The following ADGRL3 variants were observed in gnomAD, a reference collection of about 807,000 sequenced individuals.
The protein encoded by ADGRL3 is adhesion G protein-coupled receptor L3.
Under a neutral mutation model 153.5 loss-of-function variants are expected in ADGRL3, and 62 were observed. That is an observed-to-expected ratio of 0.40 (90% confidence interval 0.33 to 0.50). The LOEUF (loss-of-function observed/expected upper bound fraction) is 0.50, where lower values mean the gene tolerates loss of function less well. Ranked by LOEUF, ADGRL3 falls within the 20% of genes least tolerant of loss-of-function variation. The pLI is 0.47. For synonymous variants in ADGRL3, 710 were observed against 672.5 expected, an observed-to-expected ratio of 1.06 and a Z score of -0.86; for missense variants, 1,641 against 1,859.4, an observed-to-expected ratio of 0.88 and a Z score of 2.16.
At chr4:61,894,359 T>C (rs2098611148) in intron 10 of ADGRL3, among the ~76,000 whole-genome samples, 1 of 152,130 alleles carries the variant, frequency 6.6e-6, no homozygotes, top group Non-Finnish European at 1.5e-5. Context: ...TTGGTTTTTA[T>C]AAAAAATACA....
At chr4:61,389,504 T>C (rs17090446) in intron 2 of ADGRL3, among the ~76,000 whole-genome samples, 8,842 of 152,282 alleles carry the variant, frequency 0.058, 309 homozygotes, top group South Asian at 0.16. Context: ...CAGAGCCAGA[T>C]GTTAATTTTC....
rs528824333 is a variant in ADGRL3 at position 61,667,552 on chromosome 4, G to A, written c.474-9274G>A. Among the ~76,000 whole-genome samples, 4 of 152,112 alleles carry A rather than the reference G, an allele frequency of 2.6e-5. No homozygotes were observed. In the East Asian group the frequency reaches 5.8e-4, roughly 22 times the overall value. ...AACATTAATTTAATATAAATCAGTG[G>A]ATTTGGTTAAAAATTTCTTAATGTT... On this transcript the variant is annotated intron_variant, in intron 5 of 26. Transcript: ENST00000683033.
chr4:61,921,383 A>G (rs1380055382), intron 13 of ADGRL3, among the ~76,000 whole-genome samples: 1 of 152,060 alleles, frequency 6.6e-6, no homozygotes, highest in African/African-American at 2.4e-5. Flanking sequence ...TTCTCTCCAC[A>G]GACTTTCAGC....
At position 61,846,948 on chromosome 4, in the gene ADGRL3, A is replaced by ATGTGTGTGTGTGTGTG. The variant is rs72301670; in HGVS notation, c.1480+33067_1480+33082dup. On this transcript the variant is annotated intron_variant, in intron 9 of 26. Transcript: ENST00000683033. ...AGCCGTGAGGGATATTTTATATATT[A>ATGTGTGTGTGTGTGTG]TGTGTGTGTGTGTGTGTGTGTGTAT... 2.8e-3 allele frequency among the ~76,000 whole-genome samples: 405 copies of ATGTGTGTGTGTGTGTG among 145,884 alleles called. 1 individual carries two copies. The highest frequency in any genetic ancestry group is 9.8e-3 in the African/African-American group (379 of 38,618).
intron 1 of ADGRL3, among the ~76,000 whole-genome samples, chr4:61,317,639 A>G (rs1350699401): frequency 6.6e-6 from 1 of 152,112 alleles, no homozygotes; most frequent in Admixed American, 6.5e-5. Context: ...TGAAATGTGA[A>G]TGAAGATTAG....
intron 13 of ADGRL3, among the ~76,000 whole-genome samples, chr4:61,917,960 A>G (rs1302992976): frequency 1.3e-5 from 2 of 152,156 alleles, no homozygotes; most frequent in Non-Finnish European, 2.9e-5. Context: ...TTATTCAGAA[A>G]AGCCTAGTAA....
At chr4:61,730,503 A>G (rs1004138950) in intron 6 of ADGRL3, 119 bp from the exon 7 acceptor site, 8 of 305,910 alleles carry the variant, frequency 2.6e-5, no homozygotes, top group Non-Finnish European at 4.5e-5. Context: ...AGCAAGTATG[A>G]GTGAAATAAA....
At chr4:61,856,586 T>TTCTC (rs199927400) in intron 9 of ADGRL3, among the ~76,000 whole-genome samples, 1 of 78,612 alleles carries the variant, frequency 1.3e-5, no homozygotes, top group Non-Finnish European at 2.5e-5. Flanking sequence ...TCTCTCTTTT[T>TTCTC]TCTCTCTCTC....
rs555228848 is a variant in ADGRL3, at chr4:61,743,339, A to G, written c.1399+9785A>G. On this transcript the variant is annotated intron_variant, in intron 8 of 26. Coordinates refer to ENST00000683033, the MANE Select transcript of ADGRL3 (RefSeq NM_001387552.1). The stretch of plus-strand genomic sequence containing the variant: ...GACTCCATCTCAAAAAAAAAAAAAA[A>G]AAAAAAAGAAAAGAGAAAACAATTC... Among the ~76,000 whole-genome samples, 42 of 145,144 alleles carry G rather than the reference A, an allele frequency of 2.9e-4. 1 individual carries two copies. The East Asian group carries it at 7.4e-3, about 26-fold the overall frequency.
chr4:61,393,088 A>G (rs2096832040), intron 2 of ADGRL3, among the ~76,000 whole-genome samples: 1 of 152,106 alleles, frequency 6.6e-6, no homozygotes, highest in Non-Finnish European at 1.5e-5. Flanking sequence ...GAGACCCAGG[A>G]CACACCACAC....
chr4:61,465,620 G>A (rs955790200), intron 2 of ADGRL3, among the ~76,000 whole-genome samples: 5 of 151,156 alleles, frequency 3.3e-5, no homozygotes, highest in African/African-American at 1.2e-4. Context: ...TTACTAGAAT[G>A]TGTATATTTC....
chr4:61,830,179 T>C (rs1214729493), intron 9 of ADGRL3, among the ~76,000 whole-genome samples: 1 of 152,052 alleles, frequency 6.6e-6, no homozygotes, highest in Non-Finnish European at 1.5e-5. Flanking sequence ...CAGCTAATTT[T>C]TCTTTTTTTG....
intron 4 of ADGRL3, among the ~76,000 whole-genome samples, chr4:61,586,495 CAA>C (rs2098947197): frequency 6.6e-6 from 1 of 151,834 alleles, no homozygotes; most frequent in Non-Finnish European, 1.5e-5. Context: ...AAATATCAAA[CAA>C]TATGTATAGT....
intron 2 of ADGRL3, chr4:61,420,586 T>G (rs1360981025): frequency 6.6e-6 from 1 of 151,664 alleles, no homozygotes; most frequent in Non-Finnish European, 1.5e-5. Flanking sequence ...TTTTGTATTT[T>G]TAGTAGAGAC....
At chr4:61,427,875 C>A (rs2152389008) in intron 2 of ADGRL3, 1 of 152,978 alleles carries the variant, frequency 6.5e-6, no homozygotes, top group East Asian at 1.9e-4. Flanking sequence ...AACGCCCATC[C>A]AACTCTGCCG....
At chr4:61,914,538 T>C (rs889466082) in intron 13 of ADGRL3, among the ~76,000 whole-genome samples, 20 of 152,112 alleles carry the variant, frequency 1.3e-4, no homozygotes, top group South Asian at 6.2e-4. Flanking sequence ...TGGTAATACA[T>C]GGGAGGGGGA....
intron 8 of ADGRL3, among the ~76,000 whole-genome samples, chr4:61,735,818 G>A (rs1253118799): frequency 1.3e-5 from 2 of 151,922 alleles, no homozygotes; most frequent in East Asian, 3.9e-4. Context: ...ACAATTTCAA[G>A]TTCTGATTTG....
intron 1 of ADGRL3, among the ~76,000 whole-genome samples, chr4:61,254,294 A>T (rs563679459): frequency 6.6e-6 from 1 of 152,154 alleles, no homozygotes; most frequent in Non-Finnish European, 1.5e-5. Context: ...CAGAAGCCTC[A>T]TGGGTCAGGT....
At chr4:61,830,863 C>T (rs759140915) in intron 9 of ADGRL3, among the ~76,000 whole-genome samples, 1 of 152,030 alleles carries the variant, frequency 6.6e-6, no homozygotes, top group Admixed American at 6.6e-5. Context: ...TTTATTCCTC[C>T]TAGTTCTAGC....
Sources: allele counts gnomAD v4.1 joint callset (sites outside exome capture counted in the v4.1 genomes callset), GRCh38; gene constraint gnomAD v4.1.1; transcripts MANE v1.5; gene names NCBI Gene and HGNC (gene_info 2026-07-23, HGNC 2026-07-21).